ZNF518A: variants seen among roughly 807,000 people sequenced by gnomAD.
ZNF518A encodes the protein zinc finger protein 518A.
Under a neutral mutation model 102.7 loss-of-function variants are expected in ZNF518A, and 47 were observed. That is an observed-to-expected ratio of 0.46 (90% CI 0.36 to 0.58). The LOEUF is 0.58. ZNF518A is among the 20% of genes least tolerant of loss of function. The pLI, the probability that ZNF518A is intolerant of heterozygous loss-of-function variation, is 0.00. For missense variants in ZNF518A, 1,793 were observed against 1,699.8 expected (o/e 1.05, Z -0.96); for synonymous variants, 652 against 594.6 (o/e 1.10, Z -1.40).
chr10:96,171,195 C>G (rs1181248361), intron 1 of ZNF518A, among the ~76,000 whole-genome samples: 1 of 151,974 alleles, frequency 6.6e-6, no homozygotes, highest in African/African-American at 2.4e-5. Context: ...GTATATACCC[C>G]AAATAATTTA....
rs1554886436 is a variant in ZNF518A, at chr10:96,159,749, A to G, written c.3427A>G (p.Ile1143Val). The G allele has an allele frequency of 1.2e-6, 2 of 1,613,272 alleles. No individual in the cohort carries two copies. The highest frequency in any genetic ancestry group is 3.3e-5 in the Admixed American group (2 of 59,960). The change falls in exon 6 of 6, where the codon ATA becomes GTA. Residue 1143 changes from isoleucine (I) to valine (V), a missense_variant. Physicochemically the swap from Ile to Val is conservative, Grantham distance 29. This residue lies in a region of ZNF518A where 1,741 missense variants were observed against 1,622.6 expected (regional missense o/e 1.07). Coordinates refer to ENST00000316045, the MANE Select transcript of ZNF518A (RefSeq NM_001330736.2). ...GAAACCTGAAGGAACACCACAAAGAATATTGCTGAAAATTTTTAACCCTGT... is the reference window on the plus strand; with the variant it reads ...GAAACCTGAAGGAACACCACAAAGAGTATTGCTGAAAATTTTTAACCCTGT... ...PKKPEGTPQR[I>V]LLKIFNPVLN...
intron 1 of ZNF518A, among the ~76,000 whole-genome samples, chr10:96,198,608 G>C (rs781832380): frequency 3.7e-4 from 56 of 152,328 alleles, no homozygotes; most frequent in African/African-American, 1.3e-3. Flanking sequence ...ATCTAGTGGA[G>C]CAACACTTTT....
chr10:96,144,592 TAGA>T (rs1308145352), intron 3 of ZNF518A, among the ~76,000 whole-genome samples: 2 of 152,182 alleles, frequency 1.3e-5, no homozygotes, highest in East Asian at 3.8e-4. Context: ...CCAGAAATCA[TAGA>T]AGAACTTGCA....
At chr10:96,138,611 C>A (rs1478016561) in intron 3 of ZNF518A, among the ~76,000 whole-genome samples, 1 of 152,134 alleles carries the variant, frequency 6.6e-6, no homozygotes, top group African/African-American at 2.4e-5. Flanking sequence ...CAATTGTTGC[C>A]TTTGAATATA....
chr10:96,181,367 A>C (rs587639532), intron 1 of ZNF518A, among the ~76,000 whole-genome samples: 5 of 152,232 alleles, frequency 3.3e-5, no homozygotes, highest in African/African-American at 9.6e-5. Context: ...CCATTTGTCA[A>C]TTTTGGCTTT....
intron 1 of ZNF518A, among the ~76,000 whole-genome samples, chr10:96,203,010 T>C (rs782168119): frequency 2.6e-5 from 4 of 152,232 alleles, no homozygotes; most frequent in Non-Finnish European, 2.9e-5. Context: ...TTTTTCTTTA[T>C]AGCACTTCAG....
chr10:96,150,043 G>C lies in ZNF518A; in HGVS notation c.-301-5283G>C, dbSNP rs587709608. ...AATGTCTGATTAATATTGGTGTCTG[G>C]GCCGGGCGTGGTGGCTCACGGCTGT... On this transcript the variant is annotated intron_variant, in intron 3 of 5. Coordinates refer to ENST00000316045, the MANE Select transcript of ZNF518A (RefSeq NM_001330736.2). 7.6e-4 allele frequency among the ~76,000 whole-genome samples: 115 copies of C among 151,966 alleles called. 2 individuals carry two copies. Among genetic ancestry groups the C allele is most frequent in the Non-Finnish European group, 9.6e-4 (65 of 67,994 alleles).
At chr10:96,141,245 G>T (rs1395723692) in intron 3 of ZNF518A, among the ~76,000 whole-genome samples, 1 of 150,258 alleles carries the variant, frequency 6.7e-6, no homozygotes, top group African/African-American at 2.4e-5. Context: ...ATGAAATTAT[G>T]TAATAGTATA....
chr10:96,133,163 TC>T (rs1808205265), intron 2 of ZNF518A, among the ~76,000 whole-genome samples: 2 of 152,168 alleles, frequency 1.3e-5, no homozygotes, highest in African/African-American at 4.8e-5. Flanking sequence ...TTAACTATCA[TC>T]CTTCTGAATA....
intron 4 of ZNF518A, 57 bp downstream of exon 4, chr10:96,155,433 G>A (rs1052922796): frequency 6.6e-6 from 1 of 152,132 alleles, no homozygotes; most frequent in Non-Finnish European, 1.5e-5. Context: ...ATCTGCCAAG[G>A]GCTTTTCCTT....
At position 96,159,942 on chromosome 10, in the gene ZNF518A, T is replaced by C; in HGVS notation, c.3620T>C (p.Val1207Ala). The C allele has an allele frequency of 6.2e-7, 1 of 1,613,482 alleles. No individual in the cohort carries two copies. The highest frequency in any genetic ancestry group is 1.7e-4 in the Middle Eastern group (1 of 6,060). ...GACTTAATGCCAGCAAATGAAATTG[T>C]GATAACTTCTACTGCAACATGCCCA... ...LDDLMPANEI[V>A]ITSTATCPES... The change falls in exon 6 of 6, where the codon GTG (valine) becomes GCG (alanine). Residue 1207 changes from valine (V) to alanine (A), a missense_variant. By Grantham distance (64) the Val-to-Ala change is moderately conservative. Transcript: ENST00000316045.
At chr10:96,142,422 T>C in intron 3 of ZNF518A, among the ~76,000 whole-genome samples, 1 of 151,860 alleles carries the variant, frequency 6.6e-6, no homozygotes, top group Non-Finnish European at 1.5e-5. Context: ...GCTGCTTTGG[T>C]TTGATCACCA....
At position 96,184,785 on chromosome 10, in the gene ZNF518A, G is replaced by A. The variant is rs1284857727; in HGVS notation, n.36-18789G>A. 3.3e-5 allele frequency among the ~76,000 whole-genome samples: 5 copies of A among 152,088 alleles called. No homozygotes were observed. In the East Asian group the frequency reaches 9.6e-4, roughly 29 times the overall value. On this transcript the variant is annotated intron_variant and non_coding_transcript_variant, in intron 1 of 2. Transcript: ENST00000442635. ...GAATCTGACAATTATGTGTCTTGGG[G>A]TTGCTCTTCTTGAGGAGTATCTTTG...
At chr10:96,166,213 G>A (rs1185538531), downstream of ZNF518A, among the ~76,000 whole-genome samples, 1 of 152,268 alleles carries the variant, frequency 6.6e-6, no homozygotes, top group Non-Finnish European at 1.5e-5. Flanking sequence ...CAATCACATT[G>A]TGGGCAAATC....
At chr10:96,166,330 A>G (rs781898968), downstream of ZNF518A, among the ~76,000 whole-genome samples, 1 of 152,210 alleles carries the variant, frequency 6.6e-6, no homozygotes, top group East Asian at 1.9e-4. Flanking sequence ...TAATGCATTC[A>G]AGTTGACACT....
At chr10:96,201,736 C>A (rs1413744749) in intron 1 of ZNF518A, among the ~76,000 whole-genome samples, 4 of 75,864 alleles carry the variant, frequency 5.3e-5, no homozygotes, top group Non-Finnish European at 1.3e-4. Context: ...AAAGACTTAT[C>A]TGCATTCATT....
chr10:96,180,740 A>G (rs2083235339), intron 1 of ZNF518A, among the ~76,000 whole-genome samples: 1 of 152,202 alleles, frequency 6.6e-6, no homozygotes, highest in African/African-American at 2.4e-5. Flanking sequence ...AATCCAGTCT[A>G]TCACTGATGG....
In ZNF518A at chr10:96,157,720, T is replaced by C. The variant is rs782355601; in HGVS notation, c.1398T>C (p.Asn466=). ...IVLKLVPIKQ[N]VCSPGSQSGA... The stretch of plus-strand genomic sequence containing the variant: ...TAAAATTGGTGCCTATCAAACAAAA[T>C]GTATGTTCACCAGGCTCACAGTCAG... The change falls in exon 6 of 6, where the codon AAT becomes AAC. Residue 466 remains asparagine, a synonymous_variant. Coordinates refer to ENST00000316045, the MANE Select transcript of ZNF518A (RefSeq NM_001330736.2). 1.9e-6 allele frequency: 3 copies of C among 1,613,794 alleles called. No individual in the cohort carries two copies. Among genetic ancestry groups the C allele is most frequent in the African/African-American group, 2.7e-5 (2 of 74,926 alleles).
At chr10:96,204,433 C>G (rs2083741386), downstream of ZNF518A, 1 of 1,309,112 alleles carries the variant, frequency 7.6e-7, no homozygotes, top group Admixed American at 1.7e-5. Flanking sequence ...GGATTTTTAC[C>G]TAGCACTGCA....
Sources: gnomAD v4.1 joint callset for allele counts (sites outside exome capture counted in the v4.1 genomes callset) on GRCh38, gnomAD v4.1.1 for gene constraint, gnomAD v4.1.1 regional missense constraint, MANE v1.5 for transcripts, NCBI Gene and HGNC (gene_info 2026-07-23, HGNC 2026-07-21) for gene names.